Variants in CD99 observed in about 807,000 individuals in gnomAD.
CD99 encodes CD99 molecule (Xg blood group), also known as CD99 antigen.
In CD99, 19 loss-of-function variants were observed where a neutral mutation model predicts 28.4. That is an observed-to-expected ratio of 0.67 (90% CI 0.47 to 0.98). The LOEUF is 0.98. Ranked by LOEUF, CD99 falls within the 50% of genes least tolerant of loss-of-function variation. The pLI, the probability that CD99 is intolerant of heterozygous loss-of-function variation, is 0.00. For synonymous variants in CD99, 103 were observed against 92.1 expected (o/e 1.12, Z -0.67); for missense variants, 283 against 248.8 (o/e 1.14, Z -0.92).
intron 9 of CD99, among the ~76,000 whole-genome samples, chrX:2,739,174 T>A (rs1207956311): frequency 6.6e-6 from 1 of 152,096 alleles, no homozygotes; most frequent in South Asian, 2.1e-4. Flanking sequence ...CAGCCTGCTA[T>A]CACCTTCTAA....
chrX:2,709,347 G>C (rs1208915508), intron 1 of CD99, among the ~76,000 whole-genome samples: 1 of 144,096 alleles, frequency 6.9e-6, no homozygotes, highest in Non-Finnish European at 1.6e-5. Context: ...ACCCATATAT[G>C]CATGCACACA....
chrX:2,738,210 G>A lies in CD99; in HGVS notation c.486G>A (p.Gly162=), dbSNP rs754955628. 1 of 1,613,860 alleles carries A rather than the reference G, an allele frequency of 6.2e-7. No homozygotes were observed. The change falls in exon 9 of 10, where the codon GGG becomes GGA. Residue 162 remains glycine (G), a synonymous_variant. Coordinates refer to ENST00000381192, the MANE Select transcript of CD99 (RefSeq NM_002414.5). Reference sequence around the variant, plus strand: ...TCTTCTTCTTTTCAGCAGAACAAGGGGAGGTGGACATGGAGAGCCACCGGA... The same window carrying A: ...TCTTCTTCTTTTCAGCAGAACAAGGAGAGGTGGACATGGAGAGCCACCGGA... ...KLCFKENAEQ[G]EVDMESHRNA...
intron 8 of CD99, 117 bp downstream of exon 8, chrX:2,726,490 T>C: frequency 1.4e-6 from 1 of 738,638 alleles, no homozygotes; most frequent in Non-Finnish European, 2.5e-6. Flanking sequence ...CGATGGCTGA[T>C]GGTTCGTGAA....
chrX:2,716,527 T>G (rs2048727896), intron 2 of CD99, among the ~76,000 whole-genome samples: 1 of 152,094 alleles, frequency 6.6e-6, no homozygotes, highest in African/African-American at 2.4e-5. Flanking sequence ...GGTCTCACTG[T>G]GTTGCTCAGA....
In CD99 at chrX:2,691,299, G is replaced by C; in HGVS notation, c.-62G>C. On this transcript the variant is annotated 5_prime_UTR_variant, in exon 1 of 10. Transcript: ENST00000381192. ...CCACCCGGCCCGTGGGGGAGTATCT[G>C]TCCTGCCGCCTTCGCCCACGCCCTG... The C allele has an allele frequency of 2.1e-6, 3 of 1,421,256 alleles. No individual in the cohort carries two copies. Among genetic ancestry groups the C allele is most frequent in the Non-Finnish European group, 2.8e-6 (3 of 1,067,676 alleles). 88.0% of individuals were successfully genotyped at this position (1,421,256 alleles called of 1,614,324 possible).
chrX:2,710,514 GT>G (rs759886806), intron 1 of CD99, among the ~76,000 whole-genome samples: 4 of 149,922 alleles, frequency 2.7e-5, no homozygotes, highest in African/African-American at 4.9e-5. Flanking sequence ...CACGTGTGGG[GT>G]TTTTTTTTGT....
chrX:2,723,427 A>G, intron 7 of CD99, 63 bp downstream of exon 7: 1 of 1,578,006 alleles, frequency 6.3e-7, no homozygotes, highest in Admixed American at 1.7e-5. Context: ...GGGAAGCAGA[A>G]TGTCTGAGAG....
At chrX:2,699,728 T>A (rs1003369566) in intron 1 of CD99, among the ~76,000 whole-genome samples, 2 of 152,170 alleles carry the variant, frequency 1.3e-5, no homozygotes, top group East Asian at 3.8e-4. Flanking sequence ...AAGTCTTGGG[T>A]TTATAGGCGG....
chrX:2,726,690 AGCC>A (rs55702800), intron 8 of CD99, among the ~76,000 whole-genome samples: 28,332 of 152,054 alleles, frequency 0.19, 2,616 homozygotes, highest in Middle Eastern at 0.23. Context: ...CCTGCAGGAA[AGCC>A]GCTACAAGTT....
At chrX:2,692,939 A>G (rs2047399611) in intron 1 of CD99, among the ~76,000 whole-genome samples, 1 of 152,210 alleles carries the variant, frequency 6.6e-6, no homozygotes, top group Non-Finnish European at 1.5e-5. Context: ...ACAGGGCCAC[A>G]GGGACCTTTA....
intron 8 of CD99, among the ~76,000 whole-genome samples, chrX:2,731,958 C>G (rs2049631053): frequency 7.2e-6 from 1 of 138,314 alleles, no homozygotes; most frequent in African/African-American, 2.7e-5. Flanking sequence ...GACCTCGTGT[C>G]TACAAAAAAC....
chrX:2,738,785 C>G (rs1263889023), intron 9 of CD99, among the ~76,000 whole-genome samples: 3 of 151,676 alleles, frequency 2.0e-5, no homozygotes, highest in African/African-American at 7.3e-5. Context: ...CCACAGCTGG[C>G]TGGTGTGCAC....
At chrX:2,712,891 A>G (rs764872637) in intron 1 of CD99, among the ~76,000 whole-genome samples, 1 of 152,144 alleles carries the variant, frequency 6.6e-6, no homozygotes, top group East Asian at 1.9e-4. Flanking sequence ...ACACAACTAC[A>G]TGTGTGCACA....
At chrX:2,695,799 A>T (rs1468157549) in intron 1 of CD99, among the ~76,000 whole-genome samples, 1 of 151,814 alleles carries the variant, frequency 6.6e-6, no homozygotes, top group African/African-American at 2.4e-5. Flanking sequence ...ACACCTGGCT[A>T]TTTTTTGTAT....
At chrX:2,701,613 T>TAGACAAGCAGG (rs1569427307) in intron 1 of CD99, among the ~76,000 whole-genome samples, 2 of 151,938 alleles carry the variant, frequency 1.3e-5, no homozygotes, top group Non-Finnish European at 2.9e-5. Flanking sequence ...AGACAAGCAG[T>TAGACAAGCAGG]AAGAGTGATG....
At chrX:2,711,167 G>A (rs1348212959) in intron 1 of CD99, among the ~76,000 whole-genome samples, 3 of 148,960 alleles carry the variant, frequency 2.0e-5, no homozygotes, top group Non-Finnish European at 3.0e-5. Context: ...CACCGCACCC[G>A]GCCCCAGAGA....
rs1316208929 is a variant in CD99 at position 2,714,470 on chromosome X, A to G, written c.100+16A>G. 3 of 1,585,392 alleles carry G rather than the reference A, an allele frequency of 1.9e-6. No homozygotes were observed. The highest frequency in any genetic ancestry group is 2.6e-6 in the Non-Finnish European group (3 of 1,154,746). ...GCCCTTCCTGGTGAGTATCAACATC[A>G]TTTTTTAAAATCCCGTCAATATTTT... On this transcript the variant is annotated intron_variant, in intron 2 of 9. Coordinates refer to ENST00000381192, the MANE Select transcript of CD99 (RefSeq NM_002414.5).
intron 1 of CD99, among the ~76,000 whole-genome samples, chrX:2,695,494 C>T (rs2047530179): frequency 6.6e-6 from 1 of 152,142 alleles, no homozygotes. Flanking sequence ...TCACTACAGC[C>T]TCCACCTCCT....
At chrX:2,716,273 T>C (rs182315693) in intron 2 of CD99, among the ~76,000 whole-genome samples, 21 of 152,120 alleles carry the variant, frequency 1.4e-4, no homozygotes, top group Non-Finnish European at 2.2e-4. Flanking sequence ...CGCCTTGGCC[T>C]CCCAAAGTGC....
Sources: allele counts gnomAD v4.1 joint callset (sites outside exome capture counted in the v4.1 genomes callset), GRCh38; gene constraint gnomAD v4.1.1; transcripts MANE v1.5; gene names NCBI Gene and HGNC (gene_info 2026-07-23, HGNC 2026-07-21).